Variants in PARD3B observed in about 807,000 individuals in gnomAD.
PARD3B encodes partitioning defective 3 homolog B.
In PARD3B, 103 loss-of-function variants were observed where a neutral mutation model predicts 130.2. The observed-to-expected ratio is 0.79, with a 90% CI of 0.67 to 0.93. The LOEUF is 0.93. Ranked by LOEUF, PARD3B falls within the 40% of genes least tolerant of loss-of-function variation. The pLI, the probability that PARD3B is intolerant of heterozygous loss-of-function variation, is 0.00. For missense variants in PARD3B, 1,609 were observed against 1,499.2 expected, an observed-to-expected ratio of 1.07 and a Z score of -1.21; for synonymous variants, 583 against 553.2, an observed-to-expected ratio of 1.05 and a Z score of -0.76.
intron 2 of PARD3B, among the ~76,000 whole-genome samples, chr2:204,721,436 A>G (rs2038992908): frequency 6.6e-6 from 1 of 152,124 alleles, no homozygotes; most frequent in African/African-American, 2.4e-5. Flanking sequence ...TGGCATCTCT[A>G]GTAGTTGTTG....
At chr2:205,084,896 CT>C (rs939748539) in intron 4 of PARD3B, among the ~76,000 whole-genome samples, 8 of 151,910 alleles carry the variant, frequency 5.3e-5, no homozygotes, top group African/African-American at 1.9e-4. Context: ...CTATATATTC[CT>C]TTCCTAATAT....
At position 205,291,188 on chromosome 2, in the gene PARD3B, A is replaced by T. The variant is rs1232790643; in HGVS notation, c.2186-9342A>T. On this transcript the variant is annotated intron_variant, in intron 16 of 22. Transcript: ENST00000406610. The surrounding 1 kb of genome is among the most constrained non-coding windows in gnomAD (Gnocchi z 4.6). ...AAAAAGCCCACATTGTCATGACTGA[A>T]CTTTTAAAAGGTGATTCTGGCAAGG... Among the ~76,000 whole-genome samples the T allele has an allele frequency of 3.3e-5, 5 of 152,172 alleles. No individual in the cohort carries two copies. Among genetic ancestry groups the T allele is most frequent in the African/African-American group, 1.2e-4 (5 of 41,446 alleles).
intron 19 of PARD3B, among the ~76,000 whole-genome samples, chr2:205,408,825 A>G (rs1256214769): frequency 2.6e-5 from 4 of 152,062 alleles, no homozygotes; most frequent in Non-Finnish European, 5.9e-5. Context: ...TTGCAGTAGA[A>G]TTTTCTAGGT....
At chr2:204,752,714 C>T (rs1311919818) in intron 2 of PARD3B, among the ~76,000 whole-genome samples, 2 of 152,126 alleles carry the variant, frequency 1.3e-5, no homozygotes, top group Non-Finnish European at 2.9e-5. Flanking sequence ...CCATAAATCA[C>T]TGCCAAGCCT....
chr2:204,924,152 G>T (rs1325278527), intron 2 of PARD3B, among the ~76,000 whole-genome samples: 1 of 151,986 alleles, frequency 6.6e-6, no homozygotes, highest in Non-Finnish European at 1.5e-5. Context: ...TGTGTGCTTT[G>T]ACTGTGCAAC....
At chr2:205,006,793 C>T (rs1203790324) in intron 3 of PARD3B, among the ~76,000 whole-genome samples, 1 of 152,060 alleles carries the variant, frequency 6.6e-6, no homozygotes, top group Non-Finnish European at 1.5e-5. Context: ...GTTTATTTTG[C>T]TGTGCAGAAG....
At chr2:205,565,183 T>TG (rs1391370944) in intron 22 of PARD3B, among the ~76,000 whole-genome samples, 1 of 152,166 alleles carries the variant, frequency 6.6e-6, no homozygotes, top group East Asian at 1.9e-4. Context: ...TGATAGTGTC[T>TG]GACAGCCCGG....
Position 205,025,474 on chromosome 2 carries a change from G to A in PARD3B, c.395-22107G>A, listed in dbSNP as rs115180506. Among the ~76,000 whole-genome samples, 1,034 of 152,300 alleles carry A rather than the reference G, an allele frequency of 6.8e-3. 8 individuals are homozygous for A. Among genetic ancestry groups the A allele is most frequent in the African/African-American group, 0.023 (952 of 41,562 alleles). ...TATCTTGGAGGAATTGTCTCTCACAGTGAGTCCCAATTAGACAAATGAATT... is the reference window on the plus strand; with the variant it reads ...TATCTTGGAGGAATTGTCTCTCACAATGAGTCCCAATTAGACAAATGAATT... On this transcript the variant is annotated intron_variant, in intron 3 of 22. Transcript: ENST00000406610.
intron 21 of PARD3B, among the ~76,000 whole-genome samples, chr2:205,520,701 T>C (rs1388846118): frequency 1.3e-5 from 2 of 151,652 alleles, no homozygotes; most frequent in East Asian, 3.9e-4. Flanking sequence ...CACACACACA[T>C]ATGCATAACA....
intron 4 of PARD3B, among the ~76,000 whole-genome samples, chr2:205,090,501 C>T (rs537584890): frequency 1.3e-5 from 2 of 152,302 alleles, no homozygotes; most frequent in South Asian, 4.1e-4. Flanking sequence ...TCTGCATGCA[C>T]TTGTGAAAAG....
chr2:204,729,767 C>T (rs753746239), intron 2 of PARD3B, among the ~76,000 whole-genome samples: 23 of 151,644 alleles, frequency 1.5e-4, no homozygotes, highest in Non-Finnish European at 2.9e-4. Context: ...TAAGAATGAC[C>T]CCTATTTTTT....
intron 18 of PARD3B, among the ~76,000 whole-genome samples, chr2:205,379,519 G>A (rs2045226747): frequency 6.6e-6 from 1 of 151,844 alleles, no homozygotes; most frequent in African/African-American, 2.4e-5. Flanking sequence ...ATTTTGACCA[G>A]TATATTGGCA....
intron 1 of PARD3B, among the ~76,000 whole-genome samples, chr2:204,608,117 G>T (rs1481356829): frequency 2.0e-5 from 3 of 152,190 alleles, no homozygotes; most frequent in Admixed American, 2.0e-4. Context: ...TGATGATAAA[G>T]AGTGGATGTA....
intron 19 of PARD3B, among the ~76,000 whole-genome samples, chr2:205,435,061 A>G (rs2047465222): frequency 6.6e-6 from 1 of 152,104 alleles, no homozygotes; most frequent in Admixed American, 6.6e-5. Context: ...TGTACTGAAA[A>G]TTAAGTTAAA....
intron 11 of PARD3B, among the ~76,000 whole-genome samples, chr2:205,162,229 C>G (rs769149473): frequency 2.6e-5 from 4 of 152,198 alleles, no homozygotes; most frequent in Admixed American, 6.5e-5. Context: ...TCAGAATTAT[C>G]CAAATGCTTA....
chr2:205,520,467 C>T (rs1000836333), intron 21 of PARD3B, among the ~76,000 whole-genome samples: 5 of 152,152 alleles, frequency 3.3e-5, no homozygotes, highest in African/African-American at 9.7e-5. Flanking sequence ...TGGAGGCTCT[C>T]TGTCCAGGGA....
chr2:204,995,480 G>A (rs1694090966), intron 3 of PARD3B, among the ~76,000 whole-genome samples: 2 of 149,594 alleles, frequency 1.3e-5, no homozygotes, highest in Admixed American at 1.3e-4. Flanking sequence ...CCCTTTGAGG[G>A]TAACCCGACC....
chr2:205,026,977 T>A (rs1021132803), intron 3 of PARD3B, among the ~76,000 whole-genome samples: 1 of 152,186 alleles, frequency 6.6e-6, no homozygotes, highest in Non-Finnish European at 1.5e-5. Flanking sequence ...TCTTAGTTAT[T>A]GAAGTAACGC....
rs995252715 is a variant in PARD3B at position 205,461,778 on chromosome 2, A to G, written c.3044+21106A>G. On this transcript the variant is annotated intron_variant, in intron 20 of 22. Transcript: ENST00000406610. The surrounding 1 kb of genome is among the most constrained non-coding windows in gnomAD (Gnocchi z 4.3). Reference sequence around the variant, plus strand: ...TGGGACCCTACAATTTGCATTTCTAACAAGCTGCCGAATGATACTCATGCT... The same window carrying G: ...TGGGACCCTACAATTTGCATTTCTAGCAAGCTGCCGAATGATACTCATGCT... Among the ~76,000 whole-genome samples the G allele has an allele frequency of 6.6e-6, 1 of 151,966 alleles. No individual in the cohort carries two copies. Among genetic ancestry groups the G allele is most frequent in the Admixed American group, 6.6e-5 (1 of 15,250 alleles).
Sources: gnomAD v4.1 joint callset for allele counts (sites outside exome capture counted in the v4.1 genomes callset) on GRCh38, gnomAD v4.1.1 for gene constraint, Gnocchi (gnomAD v3.1) non-coding constraint, MANE v1.5 for transcripts, NCBI Gene and HGNC (gene_info 2026-07-23, HGNC 2026-07-21) for gene names.